Variants in FMN1 observed in about 807,000 individuals in gnomAD.
FMN1 encodes formin-1.
A neutral mutation model predicts 132.4 loss-of-function variants in FMN1; 110 were observed. The ratio of observed to expected loss-of-function variants is 0.83; its 90% CI spans 0.71 to 0.97. The LOEUF (loss-of-function observed/expected upper bound fraction) is 0.97, where lower values mean the gene tolerates loss of function less well. FMN1 is among the 50% of genes least tolerant of loss of function. FMN1 has a pLI of 0.00. For missense variants in FMN1, 1,792 were observed against 1,705.3 expected (o/e 1.05, Z -0.90); for synonymous variants, 722 against 651.7 (o/e 1.11, Z -1.64).
intron 19 of FMN1, among the ~76,000 whole-genome samples, chr15:32,787,537 C>T (rs1262943479): frequency 1.3e-5 from 2 of 152,196 alleles, no homozygotes; most frequent in Admixed American, 6.5e-5. Flanking sequence ...TAGCTCCTAA[C>T]ACACCAGAAT....
intron 6 of FMN1, among the ~76,000 whole-genome samples, chr15:33,025,085 T>C (rs560320768): frequency 1.3e-5 from 2 of 152,300 alleles, no homozygotes; most frequent in South Asian, 4.1e-4. Context: ...ATAACAATTT[T>C]ACCCAAGTGG....
At chr15:33,047,314 T>A (rs1199269420) in intron 6 of FMN1, among the ~76,000 whole-genome samples, 1 of 152,228 alleles carries the variant, frequency 6.6e-6, no homozygotes, top group African/African-American at 2.4e-5. Context: ...TGTGGTTAAG[T>A]CATAACCTTA....
chr15:32,925,707 GTAAC>G (rs2060943185), intron 10 of FMN1, among the ~76,000 whole-genome samples: 1 of 152,192 alleles, frequency 6.6e-6, no homozygotes, highest in Non-Finnish European at 1.5e-5. Context: ...ATGATACTGA[GTAAC>G]TACGATTAAT....
At chr15:33,105,362 T>C (rs2039445107) in intron 4 of FMN1, among the ~76,000 whole-genome samples, 1 of 152,128 alleles carries the variant, frequency 6.6e-6, no homozygotes, top group African/African-American at 2.4e-5. Context: ...TAGCATAATT[T>C]ACCCTATTAA....
At chr15:32,927,121 T>C in intron 9 of FMN1, among the ~76,000 whole-genome samples, 1 of 152,196 alleles carries the variant, frequency 6.6e-6, no homozygotes, top group Non-Finnish European at 1.5e-5. Flanking sequence ...AGAAATTAAA[T>C]GACTATATGA....
At chr15:32,854,903 A>G (rs1351868115) in intron 17 of FMN1, among the ~76,000 whole-genome samples, 2 of 150,792 alleles carry the variant, frequency 1.3e-5, no homozygotes, top group African/African-American at 4.9e-5. Context: ...AATGAGGGTA[A>G]AACTCCACCT....
intron 4 of FMN1, among the ~76,000 whole-genome samples, chr15:33,148,065 G>T (rs1279054754): frequency 1.3e-5 from 2 of 152,008 alleles, no homozygotes; most frequent in Non-Finnish European, 2.9e-5. Context: ...GAGGAGAAAG[G>T]TCACATGAGA....
At chr15:33,079,735 A>T (rs1320724664) in intron 5 of FMN1, among the ~76,000 whole-genome samples, 1 of 152,258 alleles carries the variant, frequency 6.6e-6, no homozygotes, top group Non-Finnish European at 1.5e-5. Flanking sequence ...TTCTATTTAA[A>T]CATGATAACC....
chr15:33,076,683 T>C (rs1013998409), intron 5 of FMN1, among the ~76,000 whole-genome samples: 1 of 152,224 alleles, frequency 6.6e-6, no homozygotes, highest in Non-Finnish European at 1.5e-5. Flanking sequence ...TACTGTCCAA[T>C]GAAACTTTCT....
chr15:33,107,706 G>C (rs2039540512), intron 4 of FMN1, among the ~76,000 whole-genome samples: 1 of 151,922 alleles, frequency 6.6e-6, no homozygotes, highest in Non-Finnish European at 1.5e-5. Context: ...CTGCCTTTTT[G>C]CCAACAAGCT....
chr15:32,946,250 T>C (rs1410116642), intron 9 of FMN1, among the ~76,000 whole-genome samples: 1 of 152,166 alleles, frequency 6.6e-6, no homozygotes, highest in Non-Finnish European at 1.5e-5. Flanking sequence ...GTGCGTATCA[T>C]ACACTATCAT....
At chr15:32,979,971 G>A (rs1207918206) in intron 7 of FMN1, among the ~76,000 whole-genome samples, 1 of 152,096 alleles carries the variant, frequency 6.6e-6, no homozygotes, top group Non-Finnish European at 1.5e-5. Context: ...CCTTCTCCTT[G>A]CCACTTTGAG....
At position 33,159,021 on chromosome 15, in the gene FMN1, A is replaced by C. The variant is rs1007363054; in HGVS notation, c.-131-3976T>G. 1.2e-4 allele frequency among the ~76,000 whole-genome samples: 18 copies of C among 152,170 alleles called. 1 individual carries two copies. The highest frequency in any genetic ancestry group is 4.4e-5 in the Non-Finnish European group (3 of 68,036). On this transcript the variant is annotated intron_variant, in intron 3 of 20. Coordinates refer to ENST00000616417, the MANE Select transcript of FMN1 (RefSeq NM_001277313.2). Reference sequence around the variant, plus strand: ...TGGTAAAACCCCATCTCTACTAAAAATACAGAAAAAATTAGACAGGCATGG... The same window carrying C: ...TGGTAAAACCCCATCTCTACTAAAACTACAGAAAAAATTAGACAGGCATGG...
chr15:33,011,596 G>C (rs1034492019), intron 6 of FMN1, among the ~76,000 whole-genome samples: 1 of 151,914 alleles, frequency 6.6e-6, no homozygotes, highest in African/African-American at 2.4e-5. Context: ...TTAAAATTAA[G>C]AACTTATTTT....
intron 7 of FMN1, among the ~76,000 whole-genome samples, chr15:32,992,554 A>C (rs1396964740): frequency 6.6e-6 from 1 of 152,216 alleles, no homozygotes; most frequent in African/African-American, 2.4e-5. Flanking sequence ...TTACAAACTT[A>C]AGAAAAAGGA....
At chr15:33,052,737 T>A (rs1237563934) in intron 6 of FMN1, among the ~76,000 whole-genome samples, 1 of 152,246 alleles carries the variant, frequency 6.6e-6, no homozygotes, top group South Asian at 2.1e-4. Context: ...AGTTAAATCC[T>A]TGGACCAGAC....
At chr15:32,814,937 TTTATTATTA>T (rs141495665) in intron 17 of FMN1, among the ~76,000 whole-genome samples, 4 of 150,918 alleles carry the variant, frequency 2.7e-5, no homozygotes, top group Non-Finnish European at 4.4e-5. Context: ...TTTATTTTAT[TTTATTATTA>T]TTATTATTAT....
Position 32,870,863 on chromosome 15 carries a change from T to C in FMN1, c.3836-13756A>G, listed in dbSNP as rs148582658. ...CTTCCCTTGAATTAAAGATGGTAAC[T>C]CCAGAAATTTCATTAGAAATGCATA... On this transcript the variant is annotated intron_variant, in intron 16 of 20. Transcript: ENST00000616417. Among the ~76,000 whole-genome samples the C allele has an allele frequency of 6.6e-4, 101 of 152,270 alleles. No homozygotes were observed. In the East Asian group the frequency reaches 0.016, roughly 24 times the overall value.
intron 7 of FMN1, among the ~76,000 whole-genome samples, chr15:32,976,559 G>A (rs1046688174): frequency 2.0e-5 from 3 of 152,116 alleles, no homozygotes; most frequent in Non-Finnish European, 4.4e-5. Flanking sequence ...ACAAAAGCTG[G>A]TTTTAATTAA....
Sources: allele counts gnomAD v4.1 joint callset (sites outside exome capture counted in the v4.1 genomes callset), GRCh38; gene constraint gnomAD v4.1.1; transcripts MANE v1.5; gene names NCBI Gene and HGNC (gene_info 2026-07-23, HGNC 2026-07-21).